The following SYNE1 variants were observed in gnomAD, a reference collection of about 807,000 sequenced individuals.
SYNE1 encodes the protein nesprin-1.
Under a neutral mutation model 1,111.0 loss-of-function variants are expected in SYNE1, and 616 were observed. That is an observed-to-expected ratio of 0.55 (90% CI 0.52 to 0.59). SYNE1 has a LOEUF of 0.59. Among genes scored for constraint, SYNE1 ranks in the 20% least tolerant of loss-of-function variants. SYNE1 has a pLI of 0.00. For missense variants in SYNE1, 10,006 were observed against 10,417.0 expected (o/e 0.96, Z 1.72); for synonymous variants, 3,855 against 3,825.8 (o/e 1.01, Z -0.28).
chr6:152,131,587 G>A (rs1478483878), intron 144 of SYNE1, among the ~76,000 whole-genome samples: 2 of 152,120 alleles, frequency 1.3e-5, no homozygotes, highest in South Asian at 2.1e-4. Flanking sequence ...GGCAGCCCCC[G>A]CCAAGGCCTG....
chr6:152,353,123 A>T, intron 69 of SYNE1, 140 bp downstream of exon 69: 1 of 1,180,802 alleles, frequency 8.5e-7, no homozygotes, highest in Non-Finnish European at 1.3e-6. Context: ...CCAACTTAGT[A>T]TTTCAAGTAA....
In SYNE1 at chr6:152,599,969, A is replaced by G. The variant is rs114680856; in HGVS notation, c.67+28296T>C. Among the ~76,000 whole-genome samples, 1,513 of 152,320 alleles carry G rather than the reference A, an allele frequency of 9.9e-3. 24 individuals carry two copies. The highest frequency in any genetic ancestry group is 0.035 in the African/African-American group (1,455 of 41,570). On this transcript the variant is annotated intron_variant, in intron 3 of 145. Transcript: ENST00000367255. ...AACTACCTGGAAGGTAAAAGGTACGACTTGGGTTGAACCAAAAAATAATGT... is the reference window on the plus strand; with the variant it reads ...AACTACCTGGAAGGTAAAAGGTACGGCTTGGGTTGAACCAAAAAATAATGT...
intron 44 of SYNE1, 67 bp downstream of exon 44, chr6:152,409,001 G>A (rs1433840833): frequency 1.1e-5 from 16 of 1,423,282 alleles, no homozygotes; most frequent in Admixed American, 3.5e-5. Flanking sequence ...ATAACGCTTT[G>A]TCCAAAAATT....
At chr6:152,338,609 T>A (rs2153997356) in intron 75 of SYNE1, among the ~76,000 whole-genome samples, 1 of 152,180 alleles carries the variant, frequency 6.6e-6, no homozygotes, top group South Asian at 2.1e-4. Flanking sequence ...TGGCAGAGTG[T>A]CTCAAAATAA....
intron 56 of SYNE1, among the ~76,000 whole-genome samples, chr6:152,378,659 G>C (rs1484939219): frequency 6.6e-6 from 1 of 152,092 alleles, no homozygotes; most frequent in Non-Finnish European, 1.5e-5. Context: ...GCATCTTGAT[G>C]CTGTTCCTCT....
chr6:152,493,991 T>G (rs887118096), intron 11 of SYNE1, among the ~76,000 whole-genome samples: 2 of 152,100 alleles, frequency 1.3e-5, no homozygotes, highest in Non-Finnish European at 2.9e-5. Context: ...TCCCAACCCT[T>G]TTCATTACAC....
intron 130 of SYNE1, 103 bp from the exon 131 acceptor site, chr6:152,164,428 G>C (rs2063197551): frequency 1.4e-6 from 2 of 1,397,072 alleles, no homozygotes; most frequent in South Asian, 2.4e-5. Flanking sequence ...TTTTTAGGCA[G>C]AGTTAGAAAC....
chr6:152,557,326 T>G (rs1181201501), intron 3 of SYNE1, among the ~76,000 whole-genome samples: 1 of 151,858 alleles, frequency 6.6e-6, no homozygotes, highest in Non-Finnish European at 1.5e-5. Context: ...TGAAACACCA[T>G]GAAGCTAATC....
intron 2 of SYNE1, among the ~76,000 whole-genome samples, chr6:152,630,266 G>A (rs1252678439): frequency 1.3e-5 from 2 of 152,150 alleles, no homozygotes; most frequent in African/African-American, 4.8e-5. Context: ...GGAAGTCATT[G>A]GTAGGAAGAT....
chr6:152,200,138 A>C (rs1053800594), intron 127 of SYNE1, among the ~76,000 whole-genome samples: 2 of 152,188 alleles, frequency 1.3e-5, no homozygotes, highest in African/African-American at 4.8e-5. Context: ...CACCACCAAA[A>C]ACCAACTGTT....
chr6:152,548,381 G>A lies in SYNE1; in HGVS notation c.68-8360C>T, dbSNP rs9479337. Among the ~76,000 whole-genome samples, 209 of 152,256 alleles carry A rather than the reference G, an allele frequency of 1.4e-3. 3 individuals carry two copies. The highest frequency in any genetic ancestry group is 4.7e-3 in the African/African-American group (196 of 41,526). On this transcript the variant is annotated intron_variant, in intron 3 of 145. Transcript: ENST00000367255. ...CCCCTGGACAAAACGAACTGGCCAC[G>A]TGTGGCTCACTGGATTTCAGAATGG...
At chr6:152,192,212 T>A (rs1317118077) in intron 127 of SYNE1, among the ~76,000 whole-genome samples, 2 of 152,200 alleles carry the variant, frequency 1.3e-5, no homozygotes, top group African/African-American at 2.4e-5. Context: ...GAGAAGAATG[T>A]GTATTTTGTA....
intron 98 of SYNE1, 110 bp downstream of exon 98, chr6:152,277,979 C>T (rs2093763722): frequency 8.7e-7 from 1 of 1,153,832 alleles, no homozygotes; most frequent in Non-Finnish European, 1.3e-6. Context: ...AGCAGGTACA[C>T]ACACAAGTAC....
At chr6:152,594,179 A>T (rs2099574582) in intron 3 of SYNE1, among the ~76,000 whole-genome samples, 1 of 152,190 alleles carries the variant, frequency 6.6e-6, no homozygotes, top group Non-Finnish European at 1.5e-5. Context: ...TCTGTGTGGG[A>T]CAGGGATCAC....
chr6:152,234,315 T>TG (rs2083477524), intron 111 of SYNE1, among the ~76,000 whole-genome samples: 1 of 146,460 alleles, frequency 6.8e-6, no homozygotes, highest in Non-Finnish European at 1.5e-5. Flanking sequence ...TCTTTTTAGA[T>TG]GGAGTCGCTC....
intron 117 of SYNE1, 38 bp from the exon 118 acceptor site, chr6:152,221,597 A>T: frequency 6.2e-7 from 1 of 1,612,754 alleles, no homozygotes; most frequent in Admixed American, 1.7e-5. Context: ...ACATAACAGG[A>T]TCTAAATTCT....
At chr6:152,376,010 C>T in intron 58 of SYNE1, 1 of 192,946 alleles carries the variant, frequency 5.2e-6, no homozygotes, top group Non-Finnish European at 1.1e-5. Flanking sequence ...GGAGTGGTTT[C>T]AGGGAAGACA....
At chr6:152,373,433 C>T (rs2097221969) in intron 58 of SYNE1, among the ~76,000 whole-genome samples, 1 of 152,016 alleles carries the variant, frequency 6.6e-6, no homozygotes, top group Non-Finnish European at 1.5e-5. Flanking sequence ...GTGCATGCTG[C>T]CACACCCAGA....
Position 152,502,629 on chromosome 6 carries a change from C to T in SYNE1, c.888+4G>A, listed in dbSNP as rs749258298. On this transcript the variant is annotated splice_donor_region_variant and intron_variant, in intron 10 of 145. Coordinates refer to ENST00000367255, the MANE Select transcript of SYNE1 (RefSeq NM_182961.4). Reference sequence around the variant, plus strand: ...AGTGATACTTGAAGAAAGCAAATACCTACATCATCCTCTTGCCCATCAGTG... The same window carrying T: ...AGTGATACTTGAAGAAAGCAAATACTTACATCATCCTCTTGCCCATCAGTG... 3 of 1,608,352 alleles carry T rather than the reference C, an allele frequency of 1.9e-6. No homozygotes were observed. In the South Asian group the frequency reaches 3.3e-5, roughly 18 times the overall value.
Sources: allele counts gnomAD v4.1 joint callset (sites outside exome capture counted in the v4.1 genomes callset), GRCh38; gene constraint gnomAD v4.1.1; transcripts MANE v1.5; gene names NCBI Gene and HGNC (gene_info 2026-07-23, HGNC 2026-07-21).